Variants in N4BP2 observed in about 807,000 individuals in gnomAD.
N4BP2 encodes the protein NEDD4-binding protein 2.
A neutral mutation model predicts 152.8 loss-of-function variants in N4BP2; 91 were observed. The ratio of observed to expected loss-of-function variants is 0.60; its 90% CI spans 0.50 to 0.71. N4BP2 has a LOEUF of 0.71. Among genes scored for constraint, N4BP2 ranks in the 30% least tolerant of loss-of-function variants. The probability of loss-of-function intolerance (pLI) is 0.00; values close to 1 mark genes in which losing one functional copy is unlikely to be tolerated. For missense variants in N4BP2, 1,923 were observed against 2,059.1 expected, an observed-to-expected ratio of 0.93 and a Z score of 1.28; for synonymous variants, 646 against 705.3, an observed-to-expected ratio of 0.92 and a Z score of 1.33.
chr4:40,184,997 A>T, the N4BP2 span, among the ~76,000 whole-genome samples: 1 of 152,020 alleles, frequency 6.6e-6, no homozygotes, highest in African/African-American at 2.4e-5. Flanking sequence ...TAAAAAATAA[A>T]TTGGGATTTT....
intron 3 of N4BP2, among the ~76,000 whole-genome samples, chr4:40,098,690 G>C (rs901850328): frequency 6.6e-5 from 10 of 152,168 alleles, no homozygotes; most frequent in African/African-American, 2.4e-4. Context: ...ACAGTATATT[G>C]AGTTTTGTAA....
At chr4:40,073,749 A>G (rs1712448156) in intron 2 of N4BP2, among the ~76,000 whole-genome samples, 198 bp downstream of exon 2, 1 of 151,978 alleles carries the variant, frequency 6.6e-6, no homozygotes, top group African/African-American at 2.4e-5. Context: ...GCATGCCACC[A>G]CACCCAGCTA....
At chr4:40,116,609 C>G (rs890030580) in intron 7 of N4BP2, among the ~76,000 whole-genome samples, 7 of 152,120 alleles carry the variant, frequency 4.6e-5, no homozygotes, top group African/African-American at 4.8e-5. Context: ...TTTACATGCT[C>G]TCATTGTCCA....
chr4:40,151,894 T>TA (rs1254697606), intron 16 of N4BP2, among the ~76,000 whole-genome samples: 1 of 152,210 alleles, frequency 6.6e-6, no homozygotes, highest in Admixed American at 6.5e-5. Context: ...TGTATTCTAT[T>TA]AGGAGTATTA....
At position 40,152,656 on chromosome 4, in the gene N4BP2, T is replaced by A. The variant is rs558008821; in HGVS notation, c.5144-124T>A. ...CAAATCTGTCTTACTATTACAGTTT[T>A]GAGATGGCAAACCCCAAAATCCTCA... is the stretch of plus-strand genomic sequence containing the variant. On this transcript the variant is annotated intron_variant, in intron 16 of 17. Coordinates refer to ENST00000261435, the MANE Select transcript of N4BP2 (RefSeq NM_018177.6). The A allele has an allele frequency of 1.0e-5, 10 of 969,550 alleles. No homozygotes were observed. The South Asian group carries it at 1.6e-4, about 16-fold the overall frequency. The allele number at this position is 969,550 out of a possible 1,614,324, so 60.1% of individuals were successfully genotyped here. A position where few individuals can be genotyped will look rare whatever the true frequency, so the allele number is the denominator to read the frequency against.
intron 13 of N4BP2, among the ~76,000 whole-genome samples, chr4:40,132,630 A>G (rs1719001773): frequency 6.6e-6 from 1 of 152,258 alleles, no homozygotes; most frequent in East Asian, 1.9e-4. Context: ...GTGTTATGTT[A>G]GGTATATCAG....
Position 40,156,643 on chromosome 4 carries a change from C to G in N4BP2, c.*2406C>G, listed in dbSNP as rs917478535. On this transcript the variant is annotated 3_prime_UTR_variant, in exon 18 of 18. Coordinates refer to ENST00000261435, the MANE Select transcript of N4BP2 (RefSeq NM_018177.6). ...AGTTTGGGGATTTTAAAAGTTTTCT[C>G]TATTACCCATTTCTAAATCCTGTAT... The G allele has an allele frequency of 2.6e-5, 4 of 151,998 alleles. No individual in the cohort carries two copies. The highest frequency in any genetic ancestry group is 7.2e-5 in the African/African-American group (3 of 41,380). The allele number at this position is 151,998 out of a possible 1,614,324, so 9.4% of individuals were successfully genotyped here.
At chr4:40,182,049 A>G in the N4BP2 span, among the ~76,000 whole-genome samples, 1 of 152,246 alleles carries the variant, frequency 6.6e-6, no homozygotes, top group East Asian at 1.9e-4. Flanking sequence ...GGACTTAGCC[A>G]CATGACTACA....
intron 2 of N4BP2, among the ~76,000 whole-genome samples, chr4:40,082,188 A>G (rs1713444284): frequency 6.7e-6 from 1 of 148,256 alleles, no homozygotes; most frequent in Non-Finnish European, 1.5e-5. Flanking sequence ...AGGCAGGGGA[A>G]TTGCTTGAAC....
In N4BP2 at chr4:40,157,058, C is replaced by A. The variant is rs1721655142; in HGVS notation, c.*2821C>A. 1 of 152,032 alleles carries A rather than the reference C, an allele frequency of 6.6e-6. No homozygotes were observed. The highest frequency in any genetic ancestry group is 1.9e-4 in the East Asian group (1 of 5,196). The allele number at this position is 152,032 out of a possible 1,614,324, so 9.4% of individuals were successfully genotyped here. On this transcript the variant is annotated 3_prime_UTR_variant, in exon 18 of 18. Transcript: ENST00000261435. ...GGTTTCAGTAATAATTATATTCATT[C>A]AGTAGTCTCTTACCATTATCTCCCA... is the stretch of plus-strand genomic sequence containing the variant.
rs189889616 is a variant in N4BP2 at position 40,080,918 on chromosome 4, A to T, written c.-115+7367A>T. Among the ~76,000 whole-genome samples, 97 of 142,378 alleles carry T rather than the reference A, an allele frequency of 6.8e-4. 1 individual carries two copies. The East Asian group carries it at 0.015, about 21-fold the overall frequency. 93.4% of individuals were successfully genotyped at this position (142,378 alleles called of 152,430 possible). A position where few individuals can be genotyped will look rare whatever the true frequency, so the allele number is the denominator to read the frequency against. On this transcript the variant is annotated intron_variant, in intron 2 of 17. Transcript: ENST00000261435. The stretch of plus-strand genomic sequence containing the variant: ...CCTGATCTCGTGATCCGCCCACCTC[A>T]GCCTCCCAAAGTGCTGGGATTACAG...
At position 40,155,403 on chromosome 4, in the gene N4BP2, A is replaced by C; in HGVS notation, c.*1166A>C. 1.3e-5 allele frequency: 1 copy of C among 76,316 alleles called. No homozygotes were observed. Among genetic ancestry groups the C allele is most frequent in the Non-Finnish European group, 3.0e-5 (1 of 33,608 alleles). The allele number at this position is 76,316 out of a possible 1,614,324, so 4.7% of individuals were successfully genotyped here. A position where few individuals can be genotyped will look rare whatever the true frequency, so the allele number is the denominator to read the frequency against. ...CAGAGCAAGACTCCGTCTCCAAAAAAAAAAAAGAAAAAAAAGAGAAAATAT... is the reference window on the plus strand; with the variant it reads ...CAGAGCAAGACTCCGTCTCCAAAAACAAAAAAGAAAAAAAAGAGAAAATAT... On this transcript the variant is annotated 3_prime_UTR_variant, in exon 18 of 18. Transcript: ENST00000261435.
chr4:40,092,045 T>TATATATATAG (rs1201054983), intron 2 of N4BP2, among the ~76,000 whole-genome samples: 1 of 102,660 alleles, frequency 9.7e-6, no homozygotes, highest in African/African-American at 3.8e-5. Flanking sequence ...TATATATATA[T>TATATATATAG]AGCTGAATTT....
At chr4:40,107,627 G>A (rs66598411) in intron 5 of N4BP2, among the ~76,000 whole-genome samples, 27,043 of 152,028 alleles carry the variant, frequency 0.18, 3,092 homozygotes, top group Admixed American at 0.26. Context: ...TAGGTGGTCC[G>A]CCTGCCTTGG....
At chr4:40,084,971 G>C (rs1713795784) in intron 2 of N4BP2, among the ~76,000 whole-genome samples, 1 of 145,178 alleles carries the variant, frequency 6.9e-6, no homozygotes, top group South Asian at 2.2e-4. Flanking sequence ...AGAATGCAGT[G>C]GTGCGATTTC....
chr4:40,088,790 G>A (rs1028010912), intron 2 of N4BP2, among the ~76,000 whole-genome samples: 4 of 151,846 alleles, frequency 2.6e-5, no homozygotes, highest in Admixed American at 1.3e-4. Context: ...ATGAGCCACC[G>A]CACCTGACCT....
chr4:40,117,485 A>G (rs1247723333), intron 7 of N4BP2, among the ~76,000 whole-genome samples: 2 of 152,226 alleles, frequency 1.3e-5, no homozygotes, highest in African/African-American at 4.8e-5. Flanking sequence ...GCAGGTATAA[A>G]CCTAGATGCT....
chr4:40,129,303 T>A (rs1718705472), intron 12 of N4BP2, among the ~76,000 whole-genome samples: 1 of 151,998 alleles, frequency 6.6e-6, no homozygotes, highest in African/African-American at 2.4e-5. Flanking sequence ...CTCGGCTCAC[T>A]GCAACCTCCA....
At chr4:40,143,535 A>G (rs571077694) in intron 15 of N4BP2, among the ~76,000 whole-genome samples, 1 of 152,126 alleles carries the variant, frequency 6.6e-6, no homozygotes, top group Non-Finnish European at 1.5e-5. Flanking sequence ...TCCTGAGCTC[A>G]AGCAATCCTC....
Sources: gnomAD v4.1 joint callset for allele counts (sites outside exome capture counted in the v4.1 genomes callset) on GRCh38, gnomAD v4.1.1 for gene constraint, MANE v1.5 for transcripts, NCBI Gene and HGNC (gene_info 2026-07-23, HGNC 2026-07-21) for gene names.